Variants in ZBBX observed in about 807,000 individuals in gnomAD.
The protein encoded by ZBBX is zinc finger B-box domain containing, also known as zinc finger B-box domain-containing protein 1.
ZBBX carries 101 observed loss-of-function variants against 108.5 expected under a neutral mutation model. The ratio of observed to expected loss-of-function variants is 0.93; its 90% CI spans 0.79 to 1.10. The LOEUF (loss-of-function observed/expected upper bound fraction) is 1.10. ZBBX is among the 50% of genes least tolerant of loss of function. ZBBX has a pLI of 0.00. For synonymous variants in ZBBX, 356 were observed against 323.4 expected (o/e 1.10, Z -1.08); for missense variants, 1,009 against 941.4 (o/e 1.07, Z -0.94).
At chr3:167,387,706 G>A (rs559497434) in intron 1 of ZBBX, among the ~76,000 whole-genome samples, 78 of 152,004 alleles carry the variant, frequency 5.1e-4, no homozygotes, top group African/African-American at 1.7e-3. Context: ...AGAGGTCATC[G>A]CTGTTGTATA....
At chr3:167,375,115 G>C (rs571421849) in intron 2 of ZBBX, among the ~76,000 whole-genome samples, 2 of 152,166 alleles carry the variant, frequency 1.3e-5, no homozygotes, top group Non-Finnish European at 2.9e-5. Flanking sequence ...TTTGCTCTAA[G>C]ACTTAAGGAA....
chr3:167,388,563 G>A (rs976905333), intron 1 of ZBBX, among the ~76,000 whole-genome samples: 7 of 152,104 alleles, frequency 4.6e-5, no homozygotes, highest in African/African-American at 1.7e-4. Flanking sequence ...GCATTAGAAT[G>A]CAGGATGGCT....
Position 167,368,547 on chromosome 3 carries a change from T to C in ZBBX, c.96A>G (p.Lys32=). 1 of 1,610,588 alleles carries C rather than the reference T, an allele frequency of 6.2e-7. No homozygotes were observed. The highest frequency in any genetic ancestry group is 8.5e-7 in the Non-Finnish European group (1 of 1,178,098). The change falls in exon 5 of 22, where the codon AAA becomes AAG. Residue 32 remains lysine, a synonymous_variant. Transcript: ENST00000675490. The part of the protein sequence containing the change: ...YRNAQELRME[K]VQLEFENQEM... ...CTTGGTTCTCAAACTCTAACTGTAC[T>C]TTCTCCATTCGCAGTTCTTGAGCAT...
the ZBBX span, among the ~76,000 whole-genome samples, chr3:167,196,070 A>C: frequency 1.3e-5 from 2 of 152,210 alleles, no homozygotes; most frequent in Non-Finnish European, 2.9e-5. Context: ...TCTGCATGAC[A>C]TATATCACAT....
chr3:167,276,320 G>A (rs1727569422), intron 20 of ZBBX, among the ~76,000 whole-genome samples: 1 of 151,412 alleles, frequency 6.6e-6, no homozygotes, highest in African/African-American at 2.4e-5. Context: ...TCAAACCAAA[G>A]GCAAAGAAGT....
intron 17 of ZBBX, among the ~76,000 whole-genome samples, chr3:167,305,399 GC>G (rs1490007323): frequency 6.6e-6 from 1 of 152,014 alleles, no homozygotes; most frequent in Non-Finnish European, 1.5e-5. Context: ...CATAAGGTGG[GC>G]CTTAAAGTAT....
In ZBBX at chr3:167,298,326, T is replaced by C; in HGVS notation, c.1858A>G (p.Ser620Gly). 2 of 1,597,186 alleles carry C rather than the reference T, an allele frequency of 1.3e-6. No individual in the cohort carries two copies. The highest frequency in any genetic ancestry group is 8.5e-7 in the Non-Finnish European group (1 of 1,173,028). Residue 620 changes from serine to glycine, a missense_variant, in exon 18 of 22, where the codon AGT (serine) becomes GGT (glycine). Physicochemically the swap from Ser to Gly is moderately conservative, Grantham distance 56. Coordinates refer to ENST00000675490, the MANE Select transcript of ZBBX (RefSeq NM_001199201.2). ...TTACCTGCAAGTGTAATCCTAGTAC[T>C]GGAATTGTTGCATTCTAAACGATGA... ...PSHRLECNNS[S>G]TRITLAEDRE...
chr3:167,360,353 A>G (rs1187330273), intron 7 of ZBBX, among the ~76,000 whole-genome samples: 1 of 151,400 alleles, frequency 6.6e-6, no homozygotes, highest in Non-Finnish European at 1.5e-5. Context: ...TCTAGAGTGA[A>G]ATTTTAATTT....
intron 8 of ZBBX, among the ~76,000 whole-genome samples, chr3:167,352,603 G>A (rs765863957): frequency 6.6e-6 from 1 of 151,552 alleles, no homozygotes; most frequent in African/African-American, 2.4e-5. Context: ...AAAAATCAAG[G>A]AGGAAATACT....
intron 20 of ZBBX, among the ~76,000 whole-genome samples, chr3:167,262,617 G>T (rs910836001): frequency 6.6e-6 from 1 of 152,130 alleles, no homozygotes; most frequent in South Asian, 2.1e-4. Flanking sequence ...CTCCCTAGGA[G>T]ACATTTTTAT....
chr3:167,395,472 A>AAC, intron 1 of ZBBX, among the ~76,000 whole-genome samples: 1 of 151,976 alleles, frequency 6.6e-6, no homozygotes, highest in Admixed American at 6.6e-5. Context: ...AGAGTAAATA[A>AAC]TTCTGAGATC....
intron 8 of ZBBX, among the ~76,000 whole-genome samples, chr3:167,352,364 C>T (rs948532856): frequency 6.6e-6 from 1 of 152,056 alleles, no homozygotes; most frequent in African/African-American, 2.4e-5. Flanking sequence ...CATCTCCACA[C>T]ACAAACTAGA....
At chr3:167,235,607 T>A (rs944644571), downstream of ZBBX, among the ~76,000 whole-genome samples, 14 of 151,552 alleles carry the variant, frequency 9.2e-5, no homozygotes, top group Admixed American at 2.0e-4. Flanking sequence ...TAGATAGCCT[T>A]TCAGAACTAT....
At chr3:167,343,143 T>C (rs1740847751) in intron 9 of ZBBX, among the ~76,000 whole-genome samples, 1 of 151,972 alleles carries the variant, frequency 6.6e-6, no homozygotes, top group Non-Finnish European at 1.5e-5. Flanking sequence ...GAGCACCTTC[T>C]ATGAGCAGAA....
intron 17 of ZBBX, among the ~76,000 whole-genome samples, chr3:167,298,888 T>C (rs1732132069): frequency 6.6e-6 from 1 of 151,484 alleles, no homozygotes; most frequent in Non-Finnish European, 1.5e-5. Context: ...ACAATGGTCA[T>C]GGAAAAAAAA....
chr3:167,321,703 T>G (rs1431440321), intron 12 of ZBBX, among the ~76,000 whole-genome samples: 1 of 152,074 alleles, frequency 6.6e-6, no homozygotes, highest in African/African-American at 2.4e-5. Context: ...AAAGTATATT[T>G]AATTACTATT....
intron 12 of ZBBX, among the ~76,000 whole-genome samples, chr3:167,318,042 G>A (rs570799788): frequency 6.6e-6 from 1 of 151,838 alleles, no homozygotes; most frequent in Non-Finnish European, 1.5e-5. Flanking sequence ...TGGTAACATA[G>A]GCTCCTACAA....
At chr3:167,277,068 C>T (rs1378101269) in intron 20 of ZBBX, among the ~76,000 whole-genome samples, 2 of 151,872 alleles carry the variant, frequency 1.3e-5, no homozygotes, top group Non-Finnish European at 2.9e-5. Context: ...ACCACCAGGC[C>T]TGCCCTAAAA....
the ZBBX span, among the ~76,000 whole-genome samples, chr3:167,234,094 C>A: frequency 6.6e-6 from 1 of 151,828 alleles, no homozygotes; most frequent in Non-Finnish European, 1.5e-5. Context: ...AGCAATTAAT[C>A]TCTCATTTTA....
Sources: gnomAD v4.1 joint callset for allele counts (sites outside exome capture counted in the v4.1 genomes callset) on GRCh38, gnomAD v4.1.1 for gene constraint, MANE v1.5 for transcripts, NCBI Gene and HGNC (gene_info 2026-07-23, HGNC 2026-07-21) for gene names.